ENAM: variants seen among roughly 807,000 people sequenced by gnomAD.
The protein encoded by ENAM is amelogenesis imperfecta 2, hypocalcification (autosomal dominant).
A neutral mutation model predicts 33.6 loss-of-function variants in ENAM; 21 were observed. That is an observed-to-expected ratio of 0.63 (90% CI 0.44 to 0.90). The LOEUF (loss-of-function observed/expected upper bound fraction) is 0.90. ENAM is among the 40% of genes least tolerant of loss of function. ENAM has a pLI of 0.00. For synonymous variants in ENAM, 473 were observed against 468.4 expected (o/e 1.01, Z -0.13); for missense variants, 1,388 against 1,366.9 (o/e 1.02, Z -0.24).
intron 8 of ENAM, 119 bp from the exon 9 acceptor site, chr4:70,641,896 C>G (rs1436821491): frequency 2.6e-6 from 2 of 782,336 alleles, no homozygotes; most frequent in Non-Finnish European, 4.6e-6. Context: ...GAAAGTAAAG[C>G]TAATGATGTT....
chr4:70,643,680 G>T lies in ENAM; in HGVS notation c.2254G>T (p.Ala752Ser), dbSNP rs769115693. ...ESRGYYVNNA[A>S]GPEESTLFPS... is the part of the protein sequence containing the mutation. ...CAGGGGCTACTACGTTAATAATGCC[G>T]CTGGACCAGAAGAAAGCACTCTATT... The change falls in exon 9 of 9, where the codon GCT (alanine) becomes TCT (serine). Residue 752 changes from alanine to serine, a missense_variant. Coordinates refer to ENST00000396073, the MANE Select transcript of ENAM (RefSeq NM_031889.3). 1.9e-6 allele frequency: 3 copies of T among 1,614,070 alleles called. No homozygotes were observed. Among genetic ancestry groups the T allele is most frequent in the Admixed American group, 3.3e-5 (2 of 60,010 alleles).
chr4:70,639,569 G>A (rs572874465), intron 8 of ENAM, among the ~76,000 whole-genome samples: 2 of 151,922 alleles, frequency 1.3e-5, no homozygotes, highest in Non-Finnish European at 2.9e-5. Flanking sequence ...TAGTCTAGGC[G>A]ACAGAGCGAG....
At chr4:70,641,931 T>C in intron 8 of ENAM, 84 bp from the exon 9 acceptor site, 1 of 931,704 alleles carries the variant, frequency 1.1e-6, no homozygotes. Flanking sequence ...GCTGATAAGA[T>C]TTCCCTGTTA....
At chr4:70,633,574 G>T (rs369237589) in intron 5 of ENAM, among the ~76,000 whole-genome samples, 2 of 152,146 alleles carry the variant, frequency 1.3e-5, no homozygotes, top group African/African-American at 4.8e-5. Flanking sequence ...AATGAAGACT[G>T]GGTATAGAGA....
intron 8 of ENAM, among the ~76,000 whole-genome samples, chr4:70,640,667 CCTA>C (rs756036724): frequency 6.6e-5 from 10 of 152,054 alleles, no homozygotes; most frequent in Non-Finnish European, 1.3e-4. Flanking sequence ...CTCATGACAA[CCTA>C]TGAGGTAGAC....
chr4:70,642,222 G>C lies in ENAM; in HGVS notation c.796G>C (p.Asp266His). 2 of 1,614,046 alleles carry C rather than the reference G, an allele frequency of 1.2e-6. No individual in the cohort carries two copies. The highest frequency in any genetic ancestry group is 1.7e-6 in the Non-Finnish European group (2 of 1,179,996). ...TCCTAAAGGGAGTCAGGGAGGAAAT[G>C]ACACCAGCCCCACAGGAAACAGTAC... ...PNPKGSQGGN[D>H]TSPTGNSTPG... is the part of the protein sequence containing the mutation. Residue 266 changes from aspartate to histidine, a missense_variant, in exon 9 of 9, where the codon GAC (aspartate) becomes CAC (histidine). Asp to His is a moderately conservative substitution (Grantham distance 81). Coordinates refer to ENST00000396073, the MANE Select transcript of ENAM (RefSeq NM_031889.3).
Position 70,635,870 on chromosome 4 carries a change from A to G in ENAM, c.510A>G (p.Gln170=). The part of the protein sequence containing the change: ...PPFGNGLFPY[Q]QPPWQIPQRL... ...TTGGAAATGGGCTATTCCCCTATCA[A>G]CAACCACCATGGCAAATTCCACAGG... The change falls in exon 7 of 9, where the codon CAA becomes CAG. Residue 170 remains glutamine, a synonymous_variant. Transcript: ENST00000396073. 4.4e-6 allele frequency: 7 copies of G among 1,608,302 alleles called. No homozygotes were observed. The highest frequency in any genetic ancestry group is 6.0e-6 in the Non-Finnish European group (7 of 1,175,606).
intron 1 of ENAM, 131 bp from the exon 2 acceptor site, chr4:70,629,310 G>A (rs1275211433): frequency 2.5e-5 from 15 of 607,196 alleles, no homozygotes; most frequent in Non-Finnish European, 3.3e-5. Flanking sequence ...TAAAGCAACA[G>A]AAGATTAAAC....
chr4:70,643,604 G>C lies in ENAM; in HGVS notation c.2178G>C (p.Glu726Asp). 6.2e-7 allele frequency: 1 copy of C among 1,614,088 alleles called. No homozygotes were observed. The highest frequency in any genetic ancestry group is 2.2e-5 in the East Asian group (1 of 44,890). ...YSEFYPWSPD[E>D]NFPSYNTAST... ...AATTTTACCCATGGAGCCCGGATGA[G>C]AATTTTCCATCATATAATACAGCTT... Residue 726 changes from glutamate to aspartate, a missense_variant, in exon 9 of 9, where the codon GAG becomes GAC. Coordinates refer to ENST00000396073, the MANE Select transcript of ENAM (RefSeq NM_031889.3).
rs1738726068 is a variant in ENAM, at chr4:70,645,135, G to A, written c.*280G>A. ...CGAAACTTGCAAGTCACTTGTCTGA[G>A]TTAGTTTCCTTTTGCTTGATGACTT... On this transcript the variant is annotated 3_prime_UTR_variant, in exon 9 of 9. Transcript: ENST00000396073. 1.8e-6 allele frequency: 1 copy of A among 555,260 alleles called. No homozygotes were observed. 34.4% of individuals were successfully genotyped at this position (555,260 alleles called of 1,614,324 possible).
chr4:70,646,074 T>TA lies in ENAM; in HGVS notation c.*1220dup, dbSNP rs1328849209. ...ATGTTTAGTTGTTTTTTTTTTTTTTTACTAGTTCAGCATAAGGGATTCTAC... is the reference window on the plus strand; with the variant it reads ...ATGTTTAGTTGTTTTTTTTTTTTTTTAACTAGTTCAGCATAAGGGATTCTAC... On this transcript the variant is annotated 3_prime_UTR_variant, in exon 9 of 9. Transcript: ENST00000396073. The TA allele has an allele frequency of 6.6e-6, 1 of 151,122 alleles. No homozygotes were observed. Among genetic ancestry groups the TA allele is most frequent in the Non-Finnish European group, 1.5e-5 (1 of 67,890 alleles). The allele number at this position is 151,122 out of a possible 1,614,324, so 9.4% of individuals were successfully genotyped here. A position where few individuals can be genotyped will look rare whatever the true frequency, so the allele number is the denominator to read the frequency against.
Position 70,629,529 on chromosome 4 carries a change from C to G in ENAM, c.29C>G (p.Thr10Ser), listed in dbSNP as rs761432111. Residue 10 changes from threonine to serine, a missense_variant, in exon 2 of 9, where the codon ACC becomes AGC. Thr to Ser is a moderately conservative substitution (Grantham distance 58). Coordinates refer to ENST00000396073, the MANE Select transcript of ENAM (RefSeq NM_031889.3). MLVLRCRLGTSFPKLDNLVP... is the reference protein window; with the variant it reads MLVLRCRLGSSFPKLDNLVP... ...TTGGTGCTTCGGTGCAGGCTTGGAA[C>G]CTCTTTTCCTAAACTAGATAACTTG... 3 of 1,613,150 alleles carry G rather than the reference C, an allele frequency of 1.9e-6. No homozygotes were observed. Among genetic ancestry groups the G allele is most frequent in the Non-Finnish European group, 2.5e-6 (3 of 1,179,442 alleles).
In ENAM at chr4:70,643,534, C is replaced by A. The variant is rs375773209; in HGVS notation, c.2108C>A (p.Ser703Tyr). 67 of 1,613,786 alleles carry A rather than the reference C, an allele frequency of 4.2e-5. No individual in the cohort carries two copies. The highest frequency in any genetic ancestry group is 1.3e-4 in the East Asian group (6 of 44,886). ...CAGCCAAAGGAATATCTTCCCTATT[C>A]TTTAGATAATCCATCAAAACCAAGG... ...SNQPKEYLPY[S>Y]LDNPSKPRED... is the part of the protein sequence containing the mutation. The change falls in exon 9 of 9, where the codon TCT (serine) becomes TAT (tyrosine). Residue 703 changes from serine (S) to tyrosine (Y), a missense_variant. Coordinates refer to ENST00000396073, the MANE Select transcript of ENAM (RefSeq NM_031889.3).
intron 8 of ENAM, among the ~76,000 whole-genome samples, chr4:70,639,966 CCTGT>C (rs1357725302): frequency 6.6e-6 from 1 of 152,154 alleles, no homozygotes; most frequent in African/African-American, 2.4e-5. Flanking sequence ...TATTTCCTTG[CCTGT>C]CTTTCTCATC....
intron 8 of ENAM, among the ~76,000 whole-genome samples, chr4:70,638,757 A>T (rs557870336): frequency 6.7e-6 from 1 of 150,142 alleles, no homozygotes; most frequent in East Asian, 1.9e-4. Flanking sequence ...CCCTGCAATG[A>T]CTGCCAATTT....
intron 8 of ENAM, among the ~76,000 whole-genome samples, chr4:70,639,240 G>A (rs954558323): frequency 2.0e-5 from 3 of 152,106 alleles, no homozygotes; most frequent in African/African-American, 7.2e-5. Context: ...ATTTTCATAT[G>A]AGTAACATAA....
intron 4 of ENAM, among the ~76,000 whole-genome samples, chr4:70,632,444 C>T (rs1213812656): frequency 6.6e-6 from 1 of 151,926 alleles, no homozygotes; most frequent in African/African-American, 2.4e-5. Flanking sequence ...GTTAAACTGC[C>T]TGAGAAGCTT....
Position 70,644,522 on chromosome 4 carries a change from C to T in ENAM, c.3096C>T (p.Gly1032=). ...GTPDEGSNPE[G]IQSQVQENES... ...CTGATGAAGGCTCCAATCCAGAAGG[C>T]ATCCAAAGTCAAGTCCAAGAAAATG... is the stretch of plus-strand genomic sequence containing the variant. The change falls in exon 9 of 9, where the codon GGC becomes GGT. Residue 1032 remains glycine (G), a synonymous_variant. Coordinates refer to ENST00000396073, the MANE Select transcript of ENAM (RefSeq NM_031889.3). 2 of 1,614,076 alleles carry T rather than the reference C, an allele frequency of 1.2e-6. No homozygotes were observed. Among genetic ancestry groups the T allele is most frequent in the South Asian group, 1.1e-5 (1 of 91,080 alleles).
intron 8 of ENAM, among the ~76,000 whole-genome samples, chr4:70,638,051 GA>G (rs1420423335): frequency 1.3e-5 from 2 of 152,166 alleles, no homozygotes; most frequent in Non-Finnish European, 2.9e-5. Flanking sequence ...AACAGAGAAA[GA>G]AGTAAGAGTT....
Sources: gnomAD v4.1 joint callset for allele counts (sites outside exome capture counted in the v4.1 genomes callset) on GRCh38, gnomAD v4.1.1 for gene constraint, MANE v1.5 for transcripts, NCBI Gene and HGNC (gene_info 2026-07-23, HGNC 2026-07-21) for gene names.